The following NEMP2 variants were observed in gnomAD, a reference collection of about 807,000 sequenced individuals.
NEMP2 encodes UPF0571 transmembrane protein.
NEMP2 carries 53 observed loss-of-function variants against 54.2 expected under a neutral mutation model. The ratio of observed to expected loss-of-function variants is 0.98; its 90% confidence interval spans 0.78 to 1.23. The LOEUF (loss-of-function observed/expected upper bound fraction) is 1.23, where lower values mean the gene tolerates loss of function less well. NEMP2 is among the 50% of genes most tolerant of loss of function. The probability of loss-of-function intolerance (pLI) is 0.00; values close to 1 mark genes in which losing one functional copy is unlikely to be tolerated. For synonymous variants in NEMP2, 197 were observed against 190.3 expected, an observed-to-expected ratio of 1.04 and a Z score of -0.29; for missense variants, 455 against 511.3, an observed-to-expected ratio of 0.89 and a Z score of 1.06.
chr2:190,579,228 A>G, the NEMP2 span, among the ~76,000 whole-genome samples: 1 of 151,956 alleles, frequency 6.6e-6, no homozygotes, highest in Non-Finnish European at 1.5e-5. Flanking sequence ...AACATCAGCT[A>G]GATAAGGAAA....
At chr2:190,630,507 A>G in the NEMP2 span, among the ~76,000 whole-genome samples, 8 of 152,302 alleles carry the variant, frequency 5.3e-5, no homozygotes, top group Admixed American at 2.0e-4. This position sits in a 1 kb window ranked among gnomAD's most constrained non-coding sequence, Gnocchi z 5.5. Flanking sequence ...GCCCTGCCAG[A>G]CAAGGGCAAT....
chr2:190,536,811 G>A (rs1326560379), upstream of NEMP2, among the ~76,000 whole-genome samples: 1 of 152,210 alleles, frequency 6.6e-6, no homozygotes, highest in African/African-American at 2.4e-5. Flanking sequence ...CTGTGGTACA[G>A]AGTGAAGGCA....
At chr2:190,516,216 T>G in intron 6 of NEMP2, 54 bp downstream of exon 6, 1 of 1,282,468 alleles carries the variant, frequency 7.8e-7, no homozygotes, top group South Asian at 1.4e-5. Context: ...AGGCCTCTAG[T>G]TGTACATCTC....
chr2:190,457,607 C>G, the NEMP2 span, among the ~76,000 whole-genome samples: 1 of 152,230 alleles, frequency 6.6e-6, no homozygotes, highest in Non-Finnish European at 1.5e-5. The surrounding 1 kb of genome is among the most constrained non-coding windows in gnomAD (Gnocchi z 5.1). Context: ...ATCTCAGACA[C>G]TTCTGCATGT....
the NEMP2 span, among the ~76,000 whole-genome samples, chr2:190,454,676 A>G: frequency 2.0e-5 from 3 of 152,120 alleles, no homozygotes; most frequent in African/African-American, 4.8e-5. This position sits in a 1 kb window ranked among gnomAD's most constrained non-coding sequence, Gnocchi z 4.6. Context: ...CTCCAGAACT[A>G]TAAGAAATAA....
At chr2:190,591,609 G>A in the NEMP2 span, among the ~76,000 whole-genome samples, 2 of 152,248 alleles carry the variant, frequency 1.3e-5, no homozygotes, top group Admixed American at 1.3e-4. This position sits in a 1 kb window ranked among gnomAD's most constrained non-coding sequence, Gnocchi z 5.4. Context: ...TTCCAAAAGT[G>A]ATTATTCATA....
In NEMP2 at chr2:190,517,516, CT is replaced by C; in HGVS notation, c.612+3del. The stretch of plus-strand genomic sequence containing the variant: ...TTTTACTCATTTTCACATAGTATGC[CT>C]ACCTTCGGAATGAATCTTTTCACCA... On this transcript the variant is annotated splice_donor_region_variant and intron_variant, in intron 5 of 8. Transcript: ENST00000409150. 1.3e-6 allele frequency: 2 copies of C among 1,543,198 alleles called. No homozygotes were observed. Among genetic ancestry groups the C allele is most frequent in the East Asian group, 4.9e-5 (2 of 40,592 alleles).
At chr2:190,557,634 AAAAC>A in the NEMP2 span, among the ~76,000 whole-genome samples, 1 of 152,112 alleles carries the variant, frequency 6.6e-6, no homozygotes, top group Non-Finnish European at 1.5e-5. Context: ...CAAGGAAAAA[AAAAC>A]AACCCCATCA....
the NEMP2 span, among the ~76,000 whole-genome samples, chr2:190,577,486 T>G: frequency 6.6e-6 from 1 of 152,310 alleles, no homozygotes; most frequent in South Asian, 2.1e-4. This position sits in a 1 kb window ranked among gnomAD's most constrained non-coding sequence, Gnocchi z 4.8. Flanking sequence ...TCATTTTTCT[T>G]AATATTTATT....
chr2:190,448,479 G>A, the NEMP2 span, among the ~76,000 whole-genome samples: 1 of 152,090 alleles, frequency 6.6e-6, no homozygotes, highest in African/African-American at 2.4e-5. Flanking sequence ...TTAATGCAGG[G>A]GTTAAAAGAA....
At chr2:190,427,583 A>G in the NEMP2 span, among the ~76,000 whole-genome samples, 1 of 152,174 alleles carries the variant, frequency 6.6e-6, no homozygotes, top group African/African-American at 2.4e-5. Context: ...ACCAAGGTCC[A>G]TAGCTGGTCT....
At chr2:190,486,317 T>C in the NEMP2 span, among the ~76,000 whole-genome samples, 2 of 152,332 alleles carry the variant, frequency 1.3e-5, no homozygotes, top group South Asian at 4.1e-4. Context: ...TCACTCTGAA[T>C]AGTGTCTGCA....
the NEMP2 span, among the ~76,000 whole-genome samples, chr2:190,644,328 A>G: frequency 6.6e-6 from 1 of 152,230 alleles, no homozygotes; most frequent in African/African-American, 2.4e-5. The surrounding 1 kb of genome is among the most constrained non-coding windows in gnomAD (Gnocchi z 4.4). Flanking sequence ...TGCATCTTCC[A>G]TCTCGAATCA....
Position 190,534,453 on chromosome 2 carries a change from G to A in NEMP2, c.97+106C>T, listed in dbSNP as rs533102383. 6.0e-4 allele frequency: 750 copies of A among 1,239,852 alleles called. 13 individuals are homozygous for A. In the Admixed American group the frequency reaches 0.028, roughly 46 times the overall value. 76.8% of individuals were successfully genotyped at this position (1,239,852 alleles called of 1,614,324 possible). ...GCGAGAAAAGGGAGCGCCCGCCCCA[G>A]TGGGCCTCGCGGTGCCGCCCGGGCC... On this transcript the variant is annotated intron_variant, in intron 1 of 8. Transcript: ENST00000409150.
chr2:190,436,708 C>G, the NEMP2 span: 1 of 1,614,090 alleles, frequency 6.2e-7, no homozygotes, highest in Non-Finnish European at 8.5e-7. The surrounding 1 kb of genome is among the most constrained non-coding windows in gnomAD (Gnocchi z 5.3). Flanking sequence ...ACCCACTCTG[C>G]AGCCCCAGAC....
chr2:190,437,081 T>A, the NEMP2 span: 1 of 1,614,194 alleles, frequency 6.2e-7, no homozygotes, highest in Non-Finnish European at 8.5e-7. This position sits in a 1 kb window ranked among gnomAD's most constrained non-coding sequence, Gnocchi z 5.9. Context: ...TACACCCACA[T>A]CGAAGTGCTC....
the NEMP2 span, among the ~76,000 whole-genome samples, chr2:190,602,136 G>A: frequency 4.9e-4 from 75 of 152,312 alleles, no homozygotes; most frequent in African/African-American, 1.7e-3. Context: ...AGGAGAGACT[G>A]AGATAGGGAG....
rs1188435738 is a variant in NEMP2 at position 190,510,376 on chromosome 2, A to T, written c.1115T>A (p.Leu372His). 1 of 1,551,722 alleles carries T rather than the reference A, an allele frequency of 6.4e-7. No homozygotes were observed. The highest frequency in any genetic ancestry group is 1.2e-5 in the South Asian group (1 of 84,064). Residue 372 changes from leucine to histidine, a missense_variant, in exon 8 of 9, where the codon CTC becomes CAC. This residue lies in a region of NEMP2 where 294 missense variants were observed against 333.6 expected (regional missense o/e 0.88). Coordinates refer to ENST00000409150, the MANE Select transcript of NEMP2 (RefSeq NM_001142645.2). This position sits in a 1 kb window ranked among gnomAD's most constrained non-coding sequence, Gnocchi z 5.7. ...DFPSWLVVSR[L>H]HTPSKFADFV... ...CGGGACTTACTTGCTAGGAGTGTGG[A>T]GTCTGGAGACGACCAGCCATGAGGG...
the NEMP2 span, among the ~76,000 whole-genome samples, chr2:190,484,491 A>G: frequency 2.6e-5 from 4 of 152,212 alleles, no homozygotes; most frequent in Non-Finnish European, 5.9e-5. Context: ...CACAATTCCT[A>G]AGACTTCCTA....
Sources: allele counts gnomAD v4.1 joint callset (sites outside exome capture counted in the v4.1 genomes callset), GRCh38; gene constraint gnomAD v4.1.1; regional missense constraint gnomAD v4.1.1; non-coding constraint Gnocchi (gnomAD v3.1); transcripts MANE v1.5; gene names NCBI Gene and HGNC (gene_info 2026-07-23, HGNC 2026-07-21).